The following SLC2A9 variants were observed in gnomAD, a reference collection of about 807,000 sequenced individuals.
SLC2A9 encodes solute carrier family 2 member 9, also known as solute carrier family 2, facilitated glucose transporter member 9.
In SLC2A9, 39 loss-of-function variants were observed where a neutral mutation model predicts 50.6. That is an observed-to-expected ratio of 0.77 (90% confidence interval 0.60 to 1.01). The LOEUF is 1.01. Among genes scored for constraint, SLC2A9 ranks in the 50% least tolerant of loss-of-function variants. The probability of loss-of-function intolerance (pLI) is 0.00; values close to 1 mark genes in which losing one functional copy is unlikely to be tolerated. For synonymous variants in SLC2A9, 324 were observed against 276.9 expected (o/e 1.17, Z -1.69); for missense variants, 686 against 677.6 (o/e 1.01, Z -0.14).
intron 2 of SLC2A9, among the ~76,000 whole-genome samples, chr4:10,001,407 C>G (rs1445965479): frequency 8.5e-5 from 13 of 152,188 alleles, no homozygotes; most frequent in Non-Finnish European, 2.9e-5. Context: ...AGAGAGAAGG[C>G]TGGAACTGAG....
At chr4:9,774,698 C>T (rs569963674) in intron 1 of SLC2A9, among the ~76,000 whole-genome samples, 16 of 151,654 alleles carry the variant, frequency 1.1e-4, no homozygotes, top group Admixed American at 4.6e-4. Flanking sequence ...AAATCATTTT[C>T]TCTCTCTCTC....
chr4:9,948,902 A>T (rs577500708), intron 5 of SLC2A9, among the ~76,000 whole-genome samples: 1 of 152,292 alleles, frequency 6.6e-6, no homozygotes, highest in East Asian at 1.9e-4. Context: ...CCAAATCTTC[A>T]TGTCCATCCA....
At chr4:9,841,147 T>C (rs1051039136) in intron 10 of SLC2A9, among the ~76,000 whole-genome samples, 5 of 152,220 alleles carry the variant, frequency 3.3e-5, no homozygotes, top group South Asian at 2.1e-4. Context: ...TTGTAGAACA[T>C]AGCATATCCC....
chr4:9,862,388 C>T (rs1351961394), intron 10 of SLC2A9, among the ~76,000 whole-genome samples: 1 of 152,058 alleles, frequency 6.6e-6, no homozygotes, highest in African/African-American at 2.4e-5. Context: ...TTTCTCGAAG[C>T]TGGAATTTAA....
At chr4:9,782,290 C>A in intron 3 of SLC2A9, 1 of 1,614,016 alleles carries the variant, frequency 6.2e-7, no homozygotes. Context: ...CCGTGTCAGA[C>A]CTTTTCGTGG....
chr4:9,969,936 C>T (rs760504904), intron 5 of SLC2A9, among the ~76,000 whole-genome samples: 1 of 152,190 alleles, frequency 6.6e-6, no homozygotes, highest in Non-Finnish European at 1.5e-5. Flanking sequence ...CTTGGAAAGA[C>T]AAAATAGTGT....
At chr4:9,798,293 T>C (rs759512377), downstream of SLC2A9, among the ~76,000 whole-genome samples, 5 of 152,226 alleles carry the variant, frequency 3.3e-5, no homozygotes, top group Non-Finnish European at 5.9e-5. Flanking sequence ...ATCATTAAGC[T>C]AAATACTCAG....
At chr4:9,950,660 A>G (rs1413536235) in intron 5 of SLC2A9, among the ~76,000 whole-genome samples, 2 of 152,174 alleles carry the variant, frequency 1.3e-5, no homozygotes, top group Non-Finnish European at 2.9e-5. Flanking sequence ...AAACTAGTAT[A>G]GCTGTGAAAG....
At position 9,865,084 on chromosome 4, in the gene SLC2A9, C is replaced by G. The variant is rs182079328; in HGVS notation, c.1291+22483G>C. On this transcript the variant is annotated intron_variant, in intron 10 of 11. Coordinates refer to ENST00000264784, the MANE Select transcript of SLC2A9 (RefSeq NM_020041.3). ...ACATTAAGAAGGAGGTGGAGCCAGA[C>G]TGGTCTGAGTCCCAAGCCTATGCTT... 2.0e-4 allele frequency among the ~76,000 whole-genome samples: 30 copies of G among 152,384 alleles called. No individual in the cohort carries two copies. In the East Asian group the frequency reaches 5.4e-3, roughly 27 times the overall value.
intron 3 of SLC2A9, among the ~76,000 whole-genome samples, chr4:9,994,787 G>A (rs1252399055): frequency 6.6e-6 from 1 of 151,978 alleles, no homozygotes; most frequent in African/African-American, 2.4e-5. Context: ...GAGCCTCCTT[G>A]AGGAGCAGCC....
intron 10 of SLC2A9, chr4:9,879,396 G>A (rs1209416080): frequency 2.0e-6 from 2 of 985,082 alleles, no homozygotes. Flanking sequence ...GTGTGTGTGT[G>A]TGTGTTTGTG....
intron 2 of SLC2A9, among the ~76,000 whole-genome samples, chr4:10,017,916 T>C (rs1482425569): frequency 6.6e-6 from 1 of 152,056 alleles, no homozygotes; most frequent in Admixed American, 6.5e-5. Context: ...GCTCCCCGCA[T>C]TTCCCCAGAT....
chr4:9,900,980 A>T (rs1739497423), intron 8 of SLC2A9, among the ~76,000 whole-genome samples: 1 of 152,224 alleles, frequency 6.6e-6, no homozygotes, highest in Admixed American at 6.5e-5. Context: ...GTGGGGACAC[A>T]GAGCCAAACC....
chr4:9,783,195 T>G (rs1560113242), intron 3 of SLC2A9: 2 of 1,614,170 alleles, frequency 1.2e-6, no homozygotes, highest in Non-Finnish European at 1.7e-6. Flanking sequence ...ACGGTGAACA[T>G]CAGCAATGAG....
At position 9,980,587 on chromosome 4, in the gene SLC2A9, C is replaced by T. The variant is rs746693429; in HGVS notation, c.681+5G>A. The T allele has an allele frequency of 6.2e-7, 1 of 1,614,144 alleles. No homozygotes were observed. The highest frequency in any genetic ancestry group is 8.5e-7 in the Non-Finnish European group (1 of 1,180,016). The stretch of plus-strand genomic sequence containing the variant: ...AGATGCGGTTGACCAGGGAGCCACA[C>T]TCACCTTTCCCAGCAGCTCGGGCAG... On this transcript the variant is annotated splice_donor_5th_base_variant and intron_variant, in intron 5 of 11. Coordinates refer to ENST00000264784, the MANE Select transcript of SLC2A9 (RefSeq NM_020041.3).
chr4:9,999,217 G>A (rs1050832734), intron 2 of SLC2A9, among the ~76,000 whole-genome samples: 11 of 151,912 alleles, frequency 7.2e-5, no homozygotes, highest in African/African-American at 9.7e-5. Flanking sequence ...ACTATGCCTG[G>A]ATAAATTTTT....
intron 8 of SLC2A9, among the ~76,000 whole-genome samples, chr4:9,893,289 A>C (rs929792713): frequency 1.3e-5 from 2 of 151,932 alleles, no homozygotes; most frequent in African/African-American, 4.8e-5. Context: ...AGGAGCCTTC[A>C]TCTTTGCTTT....
At chr4:9,932,276 A>G (rs1746288781) in intron 6 of SLC2A9, among the ~76,000 whole-genome samples, 1 of 151,960 alleles carries the variant, frequency 6.6e-6, no homozygotes. Context: ...GACTGTACTC[A>G]GCCTTTGGTA....
At chr4:9,880,566 T>A (rs1735029015) in intron 10 of SLC2A9, 1 of 984,962 alleles carries the variant, frequency 1.0e-6, no homozygotes, top group Admixed American at 6.2e-5. Context: ...CAGAGAAGGC[T>A]AAGCTTAGTG....
Sources: gnomAD v4.1 joint callset for allele counts (sites outside exome capture counted in the v4.1 genomes callset) on GRCh38, gnomAD v4.1.1 for gene constraint, MANE v1.5 for transcripts, NCBI Gene and HGNC (gene_info 2026-07-23, HGNC 2026-07-21) for gene names.